Variants in POLR3B observed in about 807,000 individuals in gnomAD.
The protein encoded by POLR3B is RNA polymerase III subunit B.
Under a neutral mutation model 147.4 loss-of-function variants are expected in POLR3B, and 96 were observed. The observed-to-expected ratio is 0.65, with a 90% CI of 0.55 to 0.77. POLR3B has a LOEUF of 0.77. Ranked by LOEUF, POLR3B falls within the 30% of genes least tolerant of loss-of-function variation. The pLI, the probability that POLR3B is intolerant of heterozygous loss-of-function variation, is 0.00. For synonymous variants in POLR3B, 461 were observed against 485.9 expected (o/e 0.95, Z 0.67); for missense variants, 1,036 against 1,413.5 (o/e 0.73, Z 4.28).
chr12:106,508,304 G>T (rs997444439), intron 27 of POLR3B, among the ~76,000 whole-genome samples: 2 of 152,198 alleles, frequency 1.3e-5, no homozygotes, highest in African/African-American at 4.8e-5. Flanking sequence ...CAAAGAATAT[G>T]CACATTTACA....
At chr12:106,387,483 T>C (rs1479161121) in intron 9 of POLR3B, among the ~76,000 whole-genome samples, 1 of 152,234 alleles carries the variant, frequency 6.6e-6, no homozygotes, top group Non-Finnish European at 1.5e-5. Flanking sequence ...TTAAACTTGG[T>C]GCATGTTGCC....
chr12:106,444,155 TA>T (rs1463002207), intron 18 of POLR3B, among the ~76,000 whole-genome samples: 2 of 152,178 alleles, frequency 1.3e-5, no homozygotes, highest in Non-Finnish European at 2.9e-5. Context: ...ATTCCACTCT[TA>T]AATGGTGATA....
In POLR3B at chr12:106,479,424, G is replaced by A. The variant is rs868594084; in HGVS notation, c.2713+15804G>A. ...GAGACAGAGTCTTGCTGTGTCGCCC[G>A]GGCTGGAGTGCAGTGGCGCAATCTT... On this transcript the variant is annotated intron_variant, in intron 23 of 27. Transcript: ENST00000228347. 9.4e-5 allele frequency among the ~76,000 whole-genome samples: 14 copies of A among 149,218 alleles called. No homozygotes were observed. In the South Asian group the frequency reaches 1.3e-3, roughly 14 times the overall value.
chr12:106,450,455 A>G (rs141760404), intron 19 of POLR3B, among the ~76,000 whole-genome samples: 5 of 152,322 alleles, frequency 3.3e-5, no homozygotes, highest in African/African-American at 9.6e-5. Flanking sequence ...TGCAATACAT[A>G]TATCTGATAA....
At chr12:106,498,027 AGG>A (rs1486699010) in intron 25 of POLR3B, among the ~76,000 whole-genome samples, 1 of 152,212 alleles carries the variant, frequency 6.6e-6, no homozygotes, top group Non-Finnish European at 1.5e-5. Context: ...GACACACAGC[AGG>A]CACTCCATAA....
chr12:106,394,439 A>G (rs1301409361), intron 10 of POLR3B, among the ~76,000 whole-genome samples: 1 of 152,210 alleles, frequency 6.6e-6, no homozygotes, highest in Non-Finnish European at 1.5e-5. Context: ...AGAAATATCA[A>G]GGAGGCAGAA....
chr12:106,432,830 T>A (rs990077576), intron 15 of POLR3B, among the ~76,000 whole-genome samples: 1 of 152,172 alleles, frequency 6.6e-6, no homozygotes, highest in Non-Finnish European at 1.5e-5. Context: ...TCAGATCAAC[T>A]CTTATAATGA....
At chr12:106,437,584 C>T in intron 17 of POLR3B, 97 bp from the exon 18 acceptor site, 2 of 726,556 alleles carry the variant, frequency 2.8e-6, no homozygotes, top group Non-Finnish European at 2.5e-6. Flanking sequence ...GAGAAAGGTG[C>T]TTTGGGCCTA....
intron 18 of POLR3B, among the ~76,000 whole-genome samples, chr12:106,442,557 C>T (rs932480406): frequency 2.0e-5 from 3 of 152,096 alleles, no homozygotes; most frequent in Non-Finnish European, 1.5e-5. Flanking sequence ...AAACAGTACT[C>T]TTCAAACCAA....
intron 6 of POLR3B, among the ~76,000 whole-genome samples, chr12:106,373,078 A>G (rs1348087765): frequency 1.3e-5 from 2 of 152,140 alleles, no homozygotes; most frequent in African/African-American, 4.8e-5. Context: ...GTTTTGTGCC[A>G]TTGTCTGTGT....
At chr12:106,400,037 G>T (rs1036491910) in intron 10 of POLR3B, among the ~76,000 whole-genome samples, 4 of 152,234 alleles carry the variant, frequency 2.6e-5, no homozygotes, top group Admixed American at 2.6e-4. Flanking sequence ...ACACAGACTG[G>T]CAAATTGGAT....
At chr12:106,372,802 T>A (rs1195579267) in intron 6 of POLR3B, among the ~76,000 whole-genome samples, 1 of 152,208 alleles carries the variant, frequency 6.6e-6, no homozygotes, top group Non-Finnish European at 1.5e-5. Context: ...TTGTTTTTAA[T>A]TATCTTTTTG....
intron 14 of POLR3B, among the ~76,000 whole-genome samples, chr12:106,430,976 A>G (rs1593037385): frequency 6.6e-6 from 1 of 152,176 alleles, no homozygotes; most frequent in East Asian, 1.9e-4. Context: ...TTACTTCTAT[A>G]GCACCCGCTA....
intron 23 of POLR3B, among the ~76,000 whole-genome samples, chr12:106,468,711 A>G (rs1359739061): frequency 6.6e-6 from 1 of 152,136 alleles, no homozygotes; most frequent in Non-Finnish European, 1.5e-5. Flanking sequence ...CCCCATAGTC[A>G]TTCAGGAGCA....
Position 106,496,738 on chromosome 12 carries a change from T to C in POLR3B, c.2818-14T>C, listed in dbSNP as rs370333143. The C allele has an allele frequency of 7.1e-5, 114 of 1,613,892 alleles. No homozygotes were observed. The African/African-American group carries it at 1.3e-3, about 19-fold the overall frequency. On this transcript the variant is annotated splice_polypyrimidine_tract_variant and intron_variant, in intron 24 of 27. Coordinates refer to ENST00000228347, the MANE Select transcript of POLR3B (RefSeq NM_018082.6). ...CACAGGGAGGTGCTCACTTAATTTG[T>C]TCACATCCTGCAGGTGGGGAAGCTC...
chr12:106,432,527 G>A (rs766783150), intron 15 of POLR3B, 47 bp downstream of exon 15: 1 of 1,453,744 alleles, frequency 6.9e-7, no homozygotes, highest in East Asian at 2.3e-5. Flanking sequence ...TCTGTGAAGA[G>A]GGGGAGGGAA....
intron 25 of POLR3B, among the ~76,000 whole-genome samples, chr12:106,499,752 A>C (rs1416501268): frequency 2.0e-5 from 3 of 152,174 alleles, no homozygotes; most frequent in Non-Finnish European, 4.4e-5. Flanking sequence ...AACCAAGACA[A>C]GGACAGGGTC....
chr12:106,501,230 A>G, intron 25 of POLR3B, 93 bp from the exon 26 acceptor site: 2 of 792,680 alleles, frequency 2.5e-6, no homozygotes, highest in Non-Finnish European at 4.6e-6. Flanking sequence ...TCAGTCATAA[A>G]TGAGTAAGGA....
intron 23 of POLR3B, among the ~76,000 whole-genome samples, chr12:106,465,431 AT>A (rs1396357766): frequency 2.0e-5 from 3 of 152,012 alleles, no homozygotes; most frequent in Non-Finnish European, 4.4e-5. Flanking sequence ...ACTTGCAGAT[AT>A]TTCAGTGGCT....
Sources: gnomAD v4.1 joint callset for allele counts (sites outside exome capture counted in the v4.1 genomes callset) on GRCh38, gnomAD v4.1.1 for gene constraint, MANE v1.5 for transcripts, NCBI Gene and HGNC (gene_info 2026-07-23, HGNC 2026-07-21) for gene names.